The following XKR6 variants were observed in gnomAD, a reference collection of about 807,000 sequenced individuals.
XKR6 encodes XK related 6.
XKR6 carries 22 observed loss-of-function variants against 56.7 expected under a neutral mutation model. The ratio of observed to expected loss-of-function variants is 0.39; its 90% confidence interval spans 0.28 to 0.55. XKR6 has a LOEUF of 0.55. XKR6 is among the 20% of genes least tolerant of loss of function. The probability of loss-of-function intolerance (pLI) is 0.66; values close to 1 mark genes in which losing one functional copy is unlikely to be tolerated. For synonymous variants in XKR6, 524 were observed against 387.8 expected, an observed-to-expected ratio of 1.35 and a Z score of -4.13; for missense variants, 852 against 889.0, an observed-to-expected ratio of 0.96 and a Z score of 0.53.
chr8:10,952,741 G>A (rs1373045410), intron 1 of XKR6, among the ~76,000 whole-genome samples: 1 of 152,158 alleles, frequency 6.6e-6, no homozygotes, highest in South Asian at 2.1e-4. Context: ...TTTGGATCAC[G>A]GGGGCGGATC....
intron 2 of XKR6, among the ~76,000 whole-genome samples, chr8:10,912,463 A>ATG (rs1198542996): frequency 1.6e-5 from 2 of 121,642 alleles, no homozygotes; most frequent in African/African-American, 7.5e-5. Context: ...ATATATATAT[A>ATG]TATAGAGAGA....
At chr8:10,980,524 G>C (rs1272403715) in intron 1 of XKR6, among the ~76,000 whole-genome samples, 1 of 152,156 alleles carries the variant, frequency 6.6e-6, no homozygotes, top group Non-Finnish European at 1.5e-5. Context: ...AACGTGCCTA[G>C]CACATTCCTA....
intron 1 of XKR6, among the ~76,000 whole-genome samples, chr8:11,103,875 T>C (rs973471235): frequency 2.6e-5 from 4 of 152,230 alleles, no homozygotes; most frequent in African/African-American, 9.6e-5. Flanking sequence ...ATGTTCAAAA[T>C]AAATTCAATT....
At chr8:11,178,567 T>C (rs1802792382) in intron 1 of XKR6, among the ~76,000 whole-genome samples, 2 of 142,248 alleles carry the variant, frequency 1.4e-5, no homozygotes, top group African/African-American at 5.1e-5. Flanking sequence ...TATATATATA[T>C]ATATATGTAT....
At chr8:11,082,805 C>A (rs1797767502) in intron 1 of XKR6, among the ~76,000 whole-genome samples, 1 of 152,240 alleles carries the variant, frequency 6.6e-6, no homozygotes, top group African/African-American at 2.4e-5. Flanking sequence ...GAGCAGGAGA[C>A]TGAGTGATGT....
At chr8:11,042,971 C>T (rs1003286841) in intron 1 of XKR6, among the ~76,000 whole-genome samples, 9 of 152,076 alleles carry the variant, frequency 5.9e-5, no homozygotes, top group South Asian at 2.1e-4. Flanking sequence ...GATTGGCCAG[C>T]CCCACGAGCC....
In XKR6 at chr8:11,201,109, G is replaced by C. The variant is rs1363190835; in HGVS notation, c.231C>G (p.Leu77=). The C allele has an allele frequency of 2.0e-6, 3 of 1,505,796 alleles. No homozygotes were observed. The highest frequency in any genetic ancestry group is 2.7e-5 in the East Asian group (1 of 37,208). 93.3% of individuals were successfully genotyped at this position (1,505,796 alleles called of 1,614,324 possible). A position where few individuals can be genotyped will look rare whatever the true frequency, so the allele number is the denominator to read the frequency against. Residue 77 remains leucine (L), a synonymous_variant, in exon 1 of 3, where the codon CTC becomes CTG. Coordinates refer to ENST00000416569, the MANE Select transcript of XKR6 (RefSeq NM_173683.4). ...CGCTGCGGCGCGGCTTCCTGCCCAG[G>C]AGGGAGCGCAGGCAGGCGGAGCGGC... ...WGCRSACLRS[L]LGRKPRRSAA... is the part of the protein sequence containing the mutation.
chr8:11,174,134 C>A (rs1277417201), intron 1 of XKR6, among the ~76,000 whole-genome samples: 3 of 152,230 alleles, frequency 2.0e-5, no homozygotes, highest in African/African-American at 7.2e-5. Flanking sequence ...ATGCAACACA[C>A]TGGCTAAGGC....
At chr8:11,151,061 A>G (rs553384567) in intron 1 of XKR6, among the ~76,000 whole-genome samples, 2 of 152,250 alleles carry the variant, frequency 1.3e-5, no homozygotes, top group South Asian at 2.1e-4. Flanking sequence ...TGCTTCATAT[A>G]AGACTCTTTT....
At chr8:11,026,494 T>C (rs1440910824) in intron 1 of XKR6, among the ~76,000 whole-genome samples, 3 of 148,942 alleles carry the variant, frequency 2.0e-5, no homozygotes, top group African/African-American at 7.7e-5. Flanking sequence ...CACACCTAGA[T>C]GGTCTAGCCT....
At chr8:11,034,005 T>C (rs1439491949) in intron 1 of XKR6, among the ~76,000 whole-genome samples, 1 of 152,212 alleles carries the variant, frequency 6.6e-6, no homozygotes, top group Non-Finnish European at 1.5e-5. Flanking sequence ...AGCAGTCCCT[T>C]GTTGCTCCAG....
chr8:11,170,086 C>G (rs1802291440), intron 1 of XKR6, among the ~76,000 whole-genome samples: 1 of 150,786 alleles, frequency 6.6e-6, no homozygotes, highest in African/African-American at 2.5e-5. Context: ...TAGATAATGT[C>G]TTGTACTGAA....
At chr8:11,044,308 C>G (rs189275123) in intron 1 of XKR6, among the ~76,000 whole-genome samples, 19 of 152,342 alleles carry the variant, frequency 1.2e-4, no homozygotes, top group African/African-American at 4.6e-4. Flanking sequence ...TGCGTGCATG[C>G]ATTCCCCCTT....
Position 11,132,786 on chromosome 8 carries a change from C to CACACACACACACAT in XKR6, c.764+67789_764+67790insATGTGTGTGTGTGT, listed in dbSNP as rs61142313. Among the ~76,000 whole-genome samples the CACACACACACACAT allele has an allele frequency of 2.0e-5, 3 of 150,974 alleles. No homozygotes were observed. In the South Asian group the frequency reaches 6.3e-4, roughly 31 times the overall value. On this transcript the variant is annotated intron_variant, in intron 1 of 2. Coordinates refer to ENST00000416569, the MANE Select transcript of XKR6 (RefSeq NM_173683.4). Reference sequence around the variant, plus strand: ...ACGCACGCACACACACACACACACACGCACATTTTTTTTCTTGGAAGACTT... The same window carrying CACACACACACACAT: ...ACGCACGCACACACACACACACACACACACACACACACATGCACATTTTTTTTCTTGGAAGACTT...
intron 1 of XKR6, among the ~76,000 whole-genome samples, chr8:11,027,127 C>T (rs957268366): frequency 1.3e-5 from 2 of 152,186 alleles, no homozygotes; most frequent in African/African-American, 4.8e-5. Context: ...AGGCTACAAA[C>T]CTGTACAGTA....
At chr8:10,993,685 G>T (rs1195932351) in intron 1 of XKR6, among the ~76,000 whole-genome samples, 1 of 152,200 alleles carries the variant, frequency 6.6e-6, no homozygotes, top group African/African-American at 2.4e-5. Context: ...GACACTGGGA[G>T]CCCCTTTGTC....
intron 1 of XKR6, among the ~76,000 whole-genome samples, chr8:11,006,868 T>A (rs1049811503): frequency 2.0e-5 from 3 of 152,204 alleles, no homozygotes; most frequent in Non-Finnish European, 4.4e-5. Flanking sequence ...TAGAAGCCCA[T>A]CTCTATTCTA....
chr8:11,035,163 T>C (rs1323996227), intron 1 of XKR6: 1 of 533,664 alleles, frequency 1.9e-6, no homozygotes, highest in Admixed American at 1.9e-5. Context: ...AAACAGCCAG[T>C]CTCGTGCCCA....
intron 2 of XKR6, among the ~76,000 whole-genome samples, chr8:10,900,806 G>A (rs1159291320): frequency 6.6e-6 from 1 of 150,460 alleles, no homozygotes; most frequent in Non-Finnish European, 1.5e-5. Flanking sequence ...CCCCTTAGGA[G>A]TAATGTGATG....
Sources: gnomAD v4.1 joint callset for allele counts (sites outside exome capture counted in the v4.1 genomes callset) on GRCh38, gnomAD v4.1.1 for gene constraint, MANE v1.5 for transcripts, NCBI Gene and HGNC (gene_info 2026-07-23, HGNC 2026-07-21) for gene names.